Variants in CACNA2D1 observed in about 807,000 individuals in gnomAD.
CACNA2D1 encodes calcium voltage-gated channel auxiliary subunit alpha2delta 1, also known as voltage-dependent calcium channel subunit alpha-2/delta-1.
CACNA2D1 carries 53 observed loss-of-function variants against 171.5 expected under a neutral mutation model. The ratio of observed to expected loss-of-function variants is 0.31; its 90% confidence interval spans 0.25 to 0.39. The LOEUF is 0.39. Among genes scored for constraint, CACNA2D1 ranks in the 10% least tolerant of loss-of-function variants. The pLI, the probability that CACNA2D1 is intolerant of heterozygous loss-of-function variation, is 1.00. For missense variants in CACNA2D1, 903 were observed against 1,299.8 expected (o/e 0.69, Z 4.69); for synonymous variants, 442 against 443.1 (o/e 1.00, Z 0.03).
At chr7:82,111,428 G>GTGTGTATATATATATATA (rs1413914216) in intron 6 of CACNA2D1, among the ~76,000 whole-genome samples, 2 of 50,414 alleles carry the variant, frequency 4.0e-5, no homozygotes, top group African/African-American at 1.9e-4. Flanking sequence ...ATATATGTGT[G>GTGTGTATATATATATATA]TATATATATA....
At chr7:81,959,503 TTAAAGAAC>T in intron 37 of CACNA2D1, 146 bp from the exon 38 acceptor site, 1 of 782,344 alleles carries the variant, frequency 1.3e-6, no homozygotes, top group Middle Eastern at 2.6e-4. Flanking sequence ...ACATAGGGAT[TTAAAGAAC>T]TAAATTGTGA....
At chr7:82,400,758 G>C (rs893317636) in intron 1 of CACNA2D1, among the ~76,000 whole-genome samples, 2 of 151,124 alleles carry the variant, frequency 1.3e-5, no homozygotes, top group Non-Finnish European at 3.0e-5. Flanking sequence ...TACCATCAGA[G>C]TGAACAGGCA....
intron 1 of CACNA2D1, among the ~76,000 whole-genome samples, chr7:82,427,253 C>T (rs970564846): frequency 8.5e-5 from 13 of 152,066 alleles, no homozygotes; most frequent in African/African-American, 3.1e-4. Flanking sequence ...ATGATTTTTG[C>T]TTTCAGAAAG....
intron 6 of CACNA2D1, among the ~76,000 whole-genome samples, chr7:82,109,672 G>A (rs1159282223): frequency 6.6e-6 from 1 of 152,150 alleles, no homozygotes. Context: ...TAGATTGGAG[G>A]AACATGGTAA....
At chr7:82,231,922 C>T (rs1237741982) in intron 3 of CACNA2D1, among the ~76,000 whole-genome samples, 1 of 152,074 alleles carries the variant, frequency 6.6e-6, no homozygotes, top group African/African-American at 2.4e-5. Context: ...GGAACACTGA[C>T]CATATTATAA....
rs138161205 is a variant in CACNA2D1 at position 82,171,152 on chromosome 7, G to T, written c.295-543C>A. 6.7e-3 allele frequency among the ~76,000 whole-genome samples: 1,024 copies of T among 152,148 alleles called. 12 individuals are homozygous for T. The highest frequency in any genetic ancestry group is 0.023 in the African/African-American group (961 of 41,538). On this transcript the variant is annotated intron_variant, in intron 3 of 38. Transcript: ENST00000356860. ...AGCGATAATCTTTGATAGAGGATTT[G>T]TGCATCTTAAAATTGCTTTATTTCA...
In CACNA2D1 at chr7:82,044,994, G is replaced by C. The variant is rs79187919; in HGVS notation, c.880-6759C>G. Among the ~76,000 whole-genome samples the C allele has an allele frequency of 2.2e-4, 33 of 152,124 alleles. No homozygotes were observed. The East Asian group carries it at 6.4e-3, about 29-fold the overall frequency. ...GTGGCTGTTTAGAATTCAATGTCTGGGTGAAATGTTATAACTGCAGTCAGG... is the reference window on the plus strand; with the variant it reads ...GTGGCTGTTTAGAATTCAATGTCTGCGTGAAATGTTATAACTGCAGTCAGG... On this transcript the variant is annotated intron_variant, in intron 10 of 38. Transcript: ENST00000356860.
At chr7:82,140,980 T>C (rs1010665548) in intron 4 of CACNA2D1, among the ~76,000 whole-genome samples, 3 of 117,958 alleles carry the variant, frequency 2.5e-5, no homozygotes, top group African/African-American at 1.1e-4. Flanking sequence ...GAAAAAAAAA[T>C]TGCAATTATT....
intron 4 of CACNA2D1, among the ~76,000 whole-genome samples, chr7:82,157,897 GGTAACA>G (rs1794529626): frequency 2.6e-5 from 4 of 151,796 alleles, no homozygotes; most frequent in Non-Finnish European, 4.4e-5. Flanking sequence ...TGAGTTCTAA[GGTAACA>G]AACTCCAACA....
At chr7:82,186,966 A>G (rs1383627072) in intron 3 of CACNA2D1, among the ~76,000 whole-genome samples, 2 of 152,176 alleles carry the variant, frequency 1.3e-5, no homozygotes, top group South Asian at 2.1e-4. Flanking sequence ...CATCTGATGA[A>G]CCATAAGACT....
intron 12 of CACNA2D1, among the ~76,000 whole-genome samples, chr7:82,026,443 CAT>C (rs1435893874): frequency 7.3e-5 from 11 of 151,586 alleles, no homozygotes; most frequent in African/African-American, 2.2e-4. Flanking sequence ...TGCATTCAAA[CAT>C]AGAATTTTTA....
At chr7:82,241,328 T>A (rs1427216553) in intron 3 of CACNA2D1, among the ~76,000 whole-genome samples, 2 of 152,182 alleles carry the variant, frequency 1.3e-5, no homozygotes, top group Non-Finnish European at 2.9e-5. Flanking sequence ...TTTTTACTTT[T>A]CTATATTTTA....
chr7:82,399,763 A>G (rs1826156590), intron 1 of CACNA2D1, among the ~76,000 whole-genome samples: 1 of 149,416 alleles, frequency 6.7e-6, no homozygotes, highest in Non-Finnish European at 1.5e-5. Flanking sequence ...ATCCCAGAAA[A>G]AAAACTAAAC....
Position 82,294,908 on chromosome 7 carries a change from A to AAAAAG in CACNA2D1, c.294+40222_294+40226dup, listed in dbSNP as rs1812075933. 2.0e-5 allele frequency among the ~76,000 whole-genome samples: 3 copies of AAAAAG among 152,300 alleles called. No individual in the cohort carries two copies. In the South Asian group the frequency reaches 6.2e-4, roughly 32 times the overall value. On this transcript the variant is annotated intron_variant, in intron 3 of 38. Transcript: ENST00000356860. ...CAATTTATAAACATCTACATGACAA[A>AAAAAG]AAAAGAAAGTTAAATCAGTCCAAGA...
chr7:82,102,884 A>G (rs111354281), intron 6 of CACNA2D1, among the ~76,000 whole-genome samples: 87 of 152,358 alleles, frequency 5.7e-4, no homozygotes, highest in African/African-American at 1.8e-3. Context: ...TGAAGTATCT[A>G]CTAAGCCTTG....
At chr7:82,054,590 T>C (rs1246187344) in intron 10 of CACNA2D1, among the ~76,000 whole-genome samples, 1 of 152,218 alleles carries the variant, frequency 6.6e-6, no homozygotes, top group Non-Finnish European at 1.5e-5. Context: ...ACTTTCCAAA[T>C]AAACCATTTA....
At chr7:82,298,223 G>A (rs1812543939) in intron 3 of CACNA2D1, among the ~76,000 whole-genome samples, 1 of 152,050 alleles carries the variant, frequency 6.6e-6, no homozygotes, top group Non-Finnish European at 1.5e-5. Flanking sequence ...GAATCCCAGG[G>A]CAATGCAGAC....
At chr7:82,152,525 G>A (rs2129112836) in intron 4 of CACNA2D1, among the ~76,000 whole-genome samples, 1 of 151,980 alleles carries the variant, frequency 6.6e-6, no homozygotes, top group Middle Eastern at 3.4e-3. Flanking sequence ...GGAATCCTGT[G>A]TTTTTCTGTA....
intron 3 of CACNA2D1, among the ~76,000 whole-genome samples, chr7:82,326,497 T>C (rs1460814832): frequency 6.6e-6 from 1 of 152,136 alleles, no homozygotes; most frequent in Non-Finnish European, 1.5e-5. Context: ...CTATATGTAC[T>C]TTGCAGAACA....
Sources: gnomAD v4.1 joint callset for allele counts (sites outside exome capture counted in the v4.1 genomes callset) on GRCh38, gnomAD v4.1.1 for gene constraint, MANE v1.5 for transcripts, NCBI Gene and HGNC (gene_info 2026-07-23, HGNC 2026-07-21) for gene names.